Variants in PIK3CB observed in about 807,000 individuals in gnomAD.
PIK3CB encodes phosphatidylinositol-4,5-bisphosphate 3-kinase catalytic subunit beta, also known as phosphatidylinositol 4,5-bisphosphate 3-kinase catalytic subunit beta isoform.
PIK3CB carries 39 observed loss-of-function variants against 136.8 expected under a neutral mutation model. The ratio of observed to expected loss-of-function variants is 0.29; its 90% CI spans 0.22 to 0.37. The LOEUF is 0.37. Among genes scored for constraint, PIK3CB ranks in the 10% least tolerant of loss-of-function variants. The pLI, the probability that PIK3CB is intolerant of heterozygous loss-of-function variation, is 1.00. For missense variants in PIK3CB, 868 were observed against 1,275.4 expected (o/e 0.68, Z 4.87); for synonymous variants, 428 against 436.6 (o/e 0.98, Z 0.25).
At position 138,659,715 on chromosome 3, in the gene PIK3CB, A is replaced by G. The variant is rs570785754; in HGVS notation, c.2797-1880T>C. 5.3e-5 allele frequency among the ~76,000 whole-genome samples: 8 copies of G among 152,184 alleles called. No individual in the cohort carries two copies. In the East Asian group the frequency reaches 1.5e-3, roughly 29 times the overall value. Reference sequence around the variant, plus strand: ...AAGACTTTCTCTTTACGTCTGATGCACTGAAATTTCATAGTGCAGGTACTT... The same window carrying G: ...AAGACTTTCTCTTTACGTCTGATGCGCTGAAATTTCATAGTGCAGGTACTT... On this transcript the variant is annotated intron_variant, in intron 21 of 23. Coordinates refer to ENST00000674063, the MANE Select transcript of PIK3CB (RefSeq NM_006219.3).
At chr3:138,802,397 A>C (rs1473599298) in intron 1 of PIK3CB, among the ~76,000 whole-genome samples, 2 of 151,604 alleles carry the variant, frequency 1.3e-5, no homozygotes, top group Non-Finnish European at 2.9e-5. Flanking sequence ...AAAGAAAGAA[A>C]GAAAGAAAAG....
intron 22 of PIK3CB, 77 bp from the exon 23 acceptor site, chr3:138,656,351 A>C: frequency 7.0e-7 from 1 of 1,428,424 alleles, no homozygotes; most frequent in Admixed American, 2.0e-5. Flanking sequence ...AATTAAGAAA[A>C]CACAGCTAGA....
chr3:138,716,478 C>T (rs1576351775), intron 8 of PIK3CB, among the ~76,000 whole-genome samples: 2 of 152,154 alleles, frequency 1.3e-5, no homozygotes, highest in South Asian at 4.1e-4. Context: ...ACCTCTGTCT[C>T]CTACTTTCAA....
At chr3:138,813,384 A>G (rs1933164225) in intron 1 of PIK3CB, among the ~76,000 whole-genome samples, 1 of 152,070 alleles carries the variant, frequency 6.6e-6, no homozygotes, top group African/African-American at 2.4e-5. Flanking sequence ...TTCTAAGGCC[A>G]AAGTCTTTCT....
intron 1 of PIK3CB, among the ~76,000 whole-genome samples, chr3:138,809,748 G>A (rs373949831): frequency 1.3e-5 from 2 of 152,128 alleles, no homozygotes; most frequent in East Asian, 3.9e-4. Flanking sequence ...GCTTAACACA[G>A]ACATAGTTAA....
rs141221322 is a variant in PIK3CB at position 138,722,789 on chromosome 3, A to G, written c.1051-8070T>C. On this transcript the variant is annotated intron_variant, in intron 8 of 23. Transcript: ENST00000674063. ...AGCCACAACAAAAAATGTGATCTTG[A>G]AAAGAATAACAATAAAGAATTAATC... Among the ~76,000 whole-genome samples the G allele has an allele frequency of 3.8e-3, 576 of 152,164 alleles. 5 individuals carry two copies. The highest frequency in any genetic ancestry group is 0.013 in the African/African-American group (553 of 41,572).
chr3:138,715,181 A>G lies in PIK3CB; in HGVS notation c.1051-462T>C, dbSNP rs1179003094. Among the ~76,000 whole-genome samples, 6 of 152,324 alleles carry G rather than the reference A, an allele frequency of 3.9e-5. No homozygotes were observed. The East Asian group carries it at 7.7e-4, about 20-fold the overall frequency. On this transcript the variant is annotated intron_variant, in intron 8 of 23. Transcript: ENST00000674063. ...GTTTCTTTCTACTTCTAAATAATTT[A>G]TGAATTTGTCATACTAAGTCAAGAG...
At chr3:138,683,554 T>C in intron 18 of PIK3CB, 124 bp downstream of exon 18, 2 of 634,442 alleles carry the variant, frequency 3.2e-6, no homozygotes, top group Non-Finnish European at 5.6e-6. Flanking sequence ...TTAGGACCAT[T>C]AATAGCTACC....
chr3:138,705,954 T>C (rs1460137049), intron 11 of PIK3CB, among the ~76,000 whole-genome samples: 6 of 152,214 alleles, frequency 3.9e-5, no homozygotes, highest in Non-Finnish European at 7.3e-5. Context: ...GGTCTCTCTA[T>C]GTTGTCCAGG....
Position 138,707,156 on chromosome 3 carries a change from T to C in PIK3CB, c.1530+3A>G. 2 of 1,506,574 alleles carry C rather than the reference T, an allele frequency of 1.3e-6. No homozygotes were observed. The highest frequency in any genetic ancestry group is 1.8e-6 in the Non-Finnish European group (2 of 1,082,760). The allele number at this position is 1,506,574 out of a possible 1,614,324, so 93.3% of individuals were successfully genotyped here. On this transcript the variant is annotated splice_donor_region_variant and intron_variant, in intron 11 of 23. Transcript: ENST00000674063. ...ATAGAGGTCCTTTAAATAATTAGCT[T>C]ACCTTATCGAAGGGAGGGTAATAAT...
At chr3:138,748,078 T>C (rs2045397056) in intron 4 of PIK3CB, among the ~76,000 whole-genome samples, 1 of 151,938 alleles carries the variant, frequency 6.6e-6, no homozygotes, top group Non-Finnish European at 1.5e-5. Context: ...GAAAAAGGCA[T>C]TCTAGTATAG....
rs867856073 is a variant in PIK3CB, at chr3:138,652,909, C to G, written c.*2480G>C. On this transcript the variant is annotated 3_prime_UTR_variant, in exon 24 of 24. Transcript: ENST00000674063. ...ACAAAAATTAAAAATTAAGAATTTGCATTTTTAACCAGTTCTCTCTGGTGA... is the reference window on the plus strand; with the variant it reads ...ACAAAAATTAAAAATTAAGAATTTGGATTTTTAACCAGTTCTCTCTGGTGA... The G allele has an allele frequency of 2.3e-5, 5 of 213,156 alleles. No individual in the cohort carries two copies. The highest frequency in any genetic ancestry group is 3.0e-3 in the Middle Eastern group (2 of 664). The allele number at this position is 213,156 out of a possible 1,614,324, so 13.2% of individuals were successfully genotyped here. A position where few individuals can be genotyped will look rare whatever the true frequency, so the allele number is the denominator to read the frequency against.
chr3:138,671,170 A>T (rs971582926), intron 19 of PIK3CB, among the ~76,000 whole-genome samples: 4 of 152,176 alleles, frequency 2.6e-5, no homozygotes, highest in Non-Finnish European at 5.9e-5. Flanking sequence ...CTAGCATTTT[A>T]ATTTTTAATG....
chr3:138,676,532 A>G (rs1352633718), intron 19 of PIK3CB, among the ~76,000 whole-genome samples: 2 of 152,240 alleles, frequency 1.3e-5, no homozygotes, highest in African/African-American at 2.4e-5. Context: ...TATAGCATTA[A>G]CTGTGTACAT....
At chr3:138,743,901 A>T (rs756324241) in intron 4 of PIK3CB, among the ~76,000 whole-genome samples, 3 of 152,176 alleles carry the variant, frequency 2.0e-5, no homozygotes, top group African/African-American at 7.2e-5. Context: ...AACTACTAAT[A>T]GCCTACTTAT....
At chr3:138,717,120 G>A (rs1232983472) in intron 8 of PIK3CB, among the ~76,000 whole-genome samples, 2 of 151,388 alleles carry the variant, frequency 1.3e-5, no homozygotes, top group Non-Finnish European at 2.9e-5. Flanking sequence ...TGGGCACGGT[G>A]GCACACGCCT....
chr3:138,751,535 C>G (rs1006335695), intron 4 of PIK3CB, among the ~76,000 whole-genome samples: 3 of 152,070 alleles, frequency 2.0e-5, no homozygotes, highest in African/African-American at 7.2e-5. Context: ...AGTTAATACC[C>G]TACATACCTT....
intron 19 of PIK3CB, among the ~76,000 whole-genome samples, chr3:138,680,062 T>C (rs1179118729): frequency 6.7e-6 from 1 of 150,246 alleles, no homozygotes; most frequent in African/African-American, 2.4e-5. Flanking sequence ...AATAACTGCA[T>C]ATAAAAAGAA....
At position 138,742,683 on chromosome 3, in the gene PIK3CB, A is replaced by T; in HGVS notation, c.496T>A (p.Leu166Met). The T allele has an allele frequency of 1.2e-6, 2 of 1,612,800 alleles. No homozygotes were observed. Among genetic ancestry groups the T allele is most frequent in the Non-Finnish European group, 8.5e-7 (1 of 1,178,932 alleles). ...TGTTTTAGCCAGTCCATCCAAGACA[A>T]TCCCACAAGTGACAGGATTTTTTCC... is the stretch of plus-strand genomic sequence containing the variant. ...SEEKILSLVGLSWMDWLKQTY... is the reference protein window; with the variant it reads ...SEEKILSLVGMSWMDWLKQTY... The change falls in exon 5 of 24, where the codon TTG (leucine) becomes ATG (methionine). Residue 166 changes from leucine (L) to methionine (M), a missense_variant. Leu to Met is a conservative substitution (Grantham distance 15). Transcript: ENST00000674063.
Sources: gnomAD v4.1 joint callset for allele counts (sites outside exome capture counted in the v4.1 genomes callset) on GRCh38, gnomAD v4.1.1 for gene constraint, MANE v1.5 for transcripts, NCBI Gene and HGNC (gene_info 2026-07-23, HGNC 2026-07-21) for gene names.